The following CATSPERB variants were observed in gnomAD, a reference collection of about 807,000 sequenced individuals.
CATSPERB encodes the protein cation channel sperm-associated auxiliary subunit beta.
Under a neutral mutation model 128.3 loss-of-function variants are expected in CATSPERB, and 93 were observed. The observed-to-expected ratio is 0.72, with a 90% confidence interval of 0.61 to 0.86. The LOEUF is 0.86. Among genes scored for constraint, CATSPERB ranks in the 40% least tolerant of loss-of-function variants. CATSPERB has a pLI of 0.00. For missense variants in CATSPERB, 1,153 were observed against 1,329.5 expected (o/e 0.87, Z 2.06); for synonymous variants, 381 against 448.8 (o/e 0.85, Z 1.91).
rs774639229 is a variant in CATSPERB at position 91,589,671 on chromosome 14, TA to T, written c.2821-3del. 1.9e-6 allele frequency: 3 copies of T among 1,610,670 alleles called. No homozygotes were observed. The South Asian group carries it at 3.3e-5, about 18-fold the overall frequency. On this transcript the variant is annotated splice_polypyrimidine_tract_variant and splice_region_variant and intron_variant, in intron 23 of 26. Coordinates refer to ENST00000256343, the MANE Select transcript of CATSPERB (RefSeq NM_024764.4). ...AATTGGAAACTTAAAGCGAGGAACC[TA>T]AAATACAAATTCCAAGAATGAATGT...
chr14:91,602,181 T>G (rs1283830866), intron 22 of CATSPERB, among the ~76,000 whole-genome samples: 3 of 152,174 alleles, frequency 2.0e-5, no homozygotes, highest in African/African-American at 7.2e-5. Context: ...CTGTGAAATT[T>G]ATATTGCTTA....
intron 5 of CATSPERB, among the ~76,000 whole-genome samples, 156 bp downstream of exon 5, chr14:91,719,262 T>A (rs1394048456): frequency 6.6e-6 from 1 of 152,222 alleles, no homozygotes; most frequent in Non-Finnish European, 1.5e-5. Flanking sequence ...AAAATTCAGA[T>A]AAACCACAGA....
intron 7 of CATSPERB, among the ~76,000 whole-genome samples, chr14:91,694,522 C>T (rs1044995484): frequency 6.3e-5 from 9 of 143,072 alleles, no homozygotes; most frequent in African/African-American, 2.1e-4. Flanking sequence ...CATAAGAGAA[C>T]AGAGGAAAAT....
chr14:91,656,658 T>C (rs1894792556), intron 15 of CATSPERB, among the ~76,000 whole-genome samples: 1 of 152,088 alleles, frequency 6.6e-6, no homozygotes, highest in Admixed American at 6.5e-5. Context: ...TTCTGACTTA[T>C]CAATAACAAT....
intron 17 of CATSPERB, among the ~76,000 whole-genome samples, chr14:91,625,417 GAGAA>G (rs1894141227): frequency 6.6e-6 from 1 of 152,102 alleles, no homozygotes; most frequent in South Asian, 2.1e-4. Context: ...AGGGGTGGGG[GAGAA>G]AGCTTTCTAT....
intron 15 of CATSPERB, among the ~76,000 whole-genome samples, chr14:91,652,090 T>C (rs778792556): frequency 3.9e-5 from 6 of 152,130 alleles, no homozygotes; most frequent in Non-Finnish European, 8.8e-5. Flanking sequence ...GATTGGTCAA[T>C]TGAGCTTTCA....
In CATSPERB at chr14:91,678,992, A is replaced by C. The variant is rs138114918; in HGVS notation, c.932-4770T>G. Among the ~76,000 whole-genome samples the C allele has an allele frequency of 1.6e-3, 245 of 152,264 alleles. 1 individual carries two copies. Among genetic ancestry groups the C allele is most frequent in the African/African-American group, 5.6e-3 (231 of 41,562 alleles). ...TTTAAATGATGACTAGTGCTGTCTA[A>C]TATCTCCATTTTCAAAAGTAGTCTA... On this transcript the variant is annotated intron_variant, in intron 11 of 26. Transcript: ENST00000256343.
intron 22 of CATSPERB, among the ~76,000 whole-genome samples, chr14:91,592,857 A>G (rs978010656): frequency 6.6e-6 from 1 of 152,188 alleles, no homozygotes; most frequent in African/African-American, 2.4e-5. Flanking sequence ...CCTTCATGGC[A>G]GCCCCTCCCA....
rs141873959 is a variant in CATSPERB at position 91,693,007 on chromosome 14, G to A, written c.831+119C>T. 8.7e-5 allele frequency: 64 copies of A among 737,374 alleles called. No individual in the cohort carries two copies. In the East Asian group the frequency reaches 9.5e-4, roughly 11 times the overall value. The allele number at this position is 737,374 out of a possible 1,614,324, so 45.7% of individuals were successfully genotyped here. On this transcript the variant is annotated intron_variant, in intron 9 of 26. Transcript: ENST00000256343. ...ACTGTATTATGCCTTTATGTTTTTCGAAAGAAAGAAGCATTTCAATTTTAA... is the reference window on the plus strand; with the variant it reads ...ACTGTATTATGCCTTTATGTTTTTCAAAAGAAAGAAGCATTTCAATTTTAA...
At chr14:91,726,365 T>G (rs570605323) in intron 2 of CATSPERB, among the ~76,000 whole-genome samples, 1 of 152,200 alleles carries the variant, frequency 6.6e-6, no homozygotes, top group Non-Finnish European at 1.5e-5. Flanking sequence ...CCCATCTGCA[T>G]GCTCCCCATC....
chr14:91,691,401 A>C, intron 10 of CATSPERB, 122 bp downstream of exon 10: 1 of 514,266 alleles, frequency 1.9e-6, no homozygotes, highest in South Asian at 4.9e-5. Flanking sequence ...ATTTTGTTTA[A>C]ACTATAAATA....
chr14:91,592,175 T>G, intron 22 of CATSPERB, 173 bp from the exon 23 acceptor site: 1 of 608,798 alleles, frequency 1.6e-6, no homozygotes, highest in Non-Finnish European at 2.9e-6. Flanking sequence ...TATTTCTGAA[T>G]TTTAGTTGCC....
chr14:91,668,810 C>T (rs970275967), intron 14 of CATSPERB, among the ~76,000 whole-genome samples: 2 of 152,104 alleles, frequency 1.3e-5, no homozygotes, highest in Non-Finnish European at 2.9e-5. Context: ...CGAGACCACG[C>T]ACCCACCAGA....
intron 10 of CATSPERB, among the ~76,000 whole-genome samples, chr14:91,686,751 C>G (rs569011475): frequency 6.6e-6 from 1 of 152,104 alleles, no homozygotes; most frequent in East Asian, 1.9e-4. Flanking sequence ...CAATCAAGTT[C>G]TAGGATGTAT....
chr14:91,605,918 G>T (rs1322316511), intron 22 of CATSPERB, among the ~76,000 whole-genome samples: 5 of 152,206 alleles, frequency 3.3e-5, no homozygotes, highest in Admixed American at 3.3e-4. Flanking sequence ...GCTCACGCCT[G>T]TAATCCCAGC....
intron 15 of CATSPERB, among the ~76,000 whole-genome samples, chr14:91,657,640 T>G (rs920882597): frequency 1.3e-5 from 2 of 151,960 alleles, no homozygotes; most frequent in Non-Finnish European, 2.9e-5. Flanking sequence ...AATTAATAAC[T>G]AGAATATATA....
In CATSPERB at chr14:91,725,079, C is replaced by T; in HGVS notation, c.168+1G>A. The T allele has an allele frequency of 6.5e-7, 1 of 1,541,502 alleles. No homozygotes were observed. The highest frequency in any genetic ancestry group is 1.4e-5 in the African/African-American group (1 of 72,150). Reference sequence around the variant, plus strand: ...TAACACATGCTATTAGTGGACCTTACCAAGTTTTCTAAGAAAAGATACAAC... The same window carrying T: ...TAACACATGCTATTAGTGGACCTTATCAAGTTTTCTAAGAAAAGATACAAC... On this transcript the variant is annotated splice_donor_variant, in intron 3 of 26. Transcript: ENST00000256343. LOFTEE classifies it high-confidence loss of function.
intron 22 of CATSPERB, chr14:91,604,809 C>T (rs1893669577): frequency 6.4e-7 from 1 of 1,569,926 alleles, no homozygotes; most frequent in African/African-American, 1.4e-5. Context: ...TAGGTAGGTG[C>T]TGAGGCCTTC....
At chr14:91,613,890 C>T (rs994104806) in intron 20 of CATSPERB, among the ~76,000 whole-genome samples, 3 of 152,210 alleles carry the variant, frequency 2.0e-5, no homozygotes, top group Non-Finnish European at 4.4e-5. Context: ...TGTGCAACCA[C>T]AGCGCATGCA....
Sources: allele counts gnomAD v4.1 joint callset (sites outside exome capture counted in the v4.1 genomes callset), GRCh38; gene constraint gnomAD v4.1.1; transcripts MANE v1.5; gene names NCBI Gene and HGNC (gene_info 2026-07-23, HGNC 2026-07-21).